DNAH8: variants seen among roughly 807,000 people sequenced by gnomAD.
DNAH8 encodes axonemal beta dynein heavy chain 8.
A neutral mutation model predicts 562.1 loss-of-function variants in DNAH8; 382 were observed. That is an observed-to-expected ratio of 0.68 (90% confidence interval 0.63 to 0.74). The LOEUF is 0.74. Ranked by LOEUF, DNAH8 falls within the 30% of genes least tolerant of loss-of-function variation. DNAH8 has a pLI of 0.00. For synonymous variants in DNAH8, 1,881 were observed against 1,919.4 expected, an observed-to-expected ratio of 0.98 and a Z score of 0.52; for missense variants, 5,203 against 5,620.4, an observed-to-expected ratio of 0.93 and a Z score of 2.37.
In DNAH8 at chr6:38,875,684, A is replaced by T. The variant is rs151051760; in HGVS notation, c.7714A>T (p.Met2572Leu). The T allele has an allele frequency of 6.2e-7, 1 of 1,613,858 alleles. No individual in the cohort carries two copies. ...HLHKLFVFGL[M>L]WSLGALLELE... ...TCATAAATTATTTGTGTTTGGCCTA[A>T]TGTGGAGTTTAGGAGCCCTTCTGGA... is the stretch of plus-strand genomic sequence containing the variant. The change falls in exon 53 of 93, where the codon ATG becomes TTG. Residue 2572 changes from methionine (M) to leucine (L), a missense_variant. Coordinates refer to ENST00000327475, the MANE Select transcript of DNAH8 (RefSeq NM_001206927.2).
chr6:38,753,112 C>T (rs977600781), intron 9 of DNAH8, among the ~76,000 whole-genome samples: 2 of 152,080 alleles, frequency 1.3e-5, no homozygotes, highest in Non-Finnish European at 2.9e-5. Flanking sequence ...TTATGACTTT[C>T]TTAAACTTCA....
chr6:38,815,776 T>G, intron 26 of DNAH8, 119 bp downstream of exon 26: 1 of 997,398 alleles, frequency 1.0e-6, no homozygotes, highest in Non-Finnish European at 1.4e-6. Flanking sequence ...GTATGTTTCA[T>G]CTTAAACATA....
At chr6:38,748,108 T>C (rs1420277182) in intron 8 of DNAH8, among the ~76,000 whole-genome samples, 2 of 152,210 alleles carry the variant, frequency 1.3e-5, no homozygotes, top group African/African-American at 4.8e-5. Flanking sequence ...TTCTTATTCA[T>C]GTCTCCTGGT....
intron 91 of DNAH8, among the ~76,000 whole-genome samples, chr6:39,020,131 C>T (rs1283060154): frequency 6.6e-6 from 1 of 152,116 alleles, no homozygotes; most frequent in East Asian, 1.9e-4. Flanking sequence ...TTTAGCTGAT[C>T]CCAGCCTTGC....
intron 26 of DNAH8, among the ~76,000 whole-genome samples, 196 bp downstream of exon 26, chr6:38,815,853 A>C (rs1366683119): frequency 1.3e-5 from 2 of 152,150 alleles, no homozygotes; most frequent in African/African-American, 4.8e-5. Flanking sequence ...CTTTTCTACT[A>C]TGATGATCTT....
At chr6:38,840,933 C>T (rs1004706255) in intron 33 of DNAH8, among the ~76,000 whole-genome samples, 5 of 151,886 alleles carry the variant, frequency 3.3e-5, no homozygotes, top group African/African-American at 9.7e-5. Flanking sequence ...TTGCATTACC[C>T]TTTAGGCAAT....
At chr6:38,771,594 T>G (rs1416863815) in intron 12 of DNAH8, among the ~76,000 whole-genome samples, 2 of 152,196 alleles carry the variant, frequency 1.3e-5, no homozygotes, top group Non-Finnish European at 2.9e-5. Flanking sequence ...CTACTTTCTG[T>G]CTCTATAGAT....
chr6:38,882,969 C>A lies in DNAH8; in HGVS notation c.7918C>A (p.Pro2640Thr), dbSNP rs575069902. ...QPYYYPTDSI[P>T]EYSSILVPNV... Reference sequence around the variant, plus strand: ...TTATTATTATCCAACTGACAGTATTCCGGAATATTCATCAATTTTGGTTCC... The same window carrying A: ...TTATTATTATCCAACTGACAGTATTACGGAATATTCATCAATTTTGGTTCC... The change falls in exon 54 of 93, where the codon CCG becomes ACG. Residue 2640 changes from proline to threonine, a missense_variant. By Grantham distance (38) the Pro-to-Thr change is conservative. Transcript: ENST00000327475. The A allele has an allele frequency of 1.7e-5, 27 of 1,604,904 alleles. No individual in the cohort carries two copies. The highest frequency in any genetic ancestry group is 1.4e-4 in the East Asian group (6 of 44,414).
At chr6:38,715,930 AT>A (rs1562520288) in intron 1 of DNAH8, among the ~76,000 whole-genome samples, 21 of 24,906 alleles carry the variant, frequency 8.4e-4, no homozygotes, top group South Asian at 2.9e-3. Context: ...AAATAAATAT[AT>A]ATATATATAT....
chr6:38,840,229 G>C (rs531782592), intron 33 of DNAH8, among the ~76,000 whole-genome samples: 32 of 152,282 alleles, frequency 2.1e-4, no homozygotes, highest in African/African-American at 7.7e-4. Context: ...ACTCAAAGCT[G>C]TTGAAAACTC....
intron 26 of DNAH8, among the ~76,000 whole-genome samples, chr6:38,816,240 C>G (rs1323730948): frequency 6.6e-6 from 1 of 152,140 alleles, no homozygotes; most frequent in Non-Finnish European, 1.5e-5. Flanking sequence ...CCTTCACCCC[C>G]ATCCCCCACC....
chr6:38,766,061 C>T (rs1766952614), intron 11 of DNAH8, among the ~76,000 whole-genome samples: 1 of 151,842 alleles, frequency 6.6e-6, no homozygotes, highest in South Asian at 2.1e-4. Flanking sequence ...GTGGAAACAA[C>T]CTAAGTGCCT....
At chr6:38,865,232 T>C (rs1776947176) in intron 45 of DNAH8, among the ~76,000 whole-genome samples, 1 of 152,210 alleles carries the variant, frequency 6.6e-6, no homozygotes, top group South Asian at 2.1e-4. Context: ...TGATAAATTA[T>C]AGGAAGCAAA....
rs551455560 is a variant in DNAH8, at chr6:38,812,045, C to T, written c.3258-2009C>T. Among the ~76,000 whole-genome samples, 8 of 152,140 alleles carry T rather than the reference C, an allele frequency of 5.3e-5. No individual in the cohort carries two copies. The South Asian group carries it at 1.2e-3, about 24-fold the overall frequency. On this transcript the variant is annotated intron_variant, in intron 24 of 92. Coordinates refer to ENST00000327475, the MANE Select transcript of DNAH8 (RefSeq NM_001206927.2). ...GCCATAGCTGCAGGAAGTAAGTTGA[C>T]GCATTTTGTCTTGCAGCATCATCTG...
chr6:38,883,868 C>T lies in DNAH8; in HGVS notation c.8137-8C>T. 6.5e-7 allele frequency: 1 copy of T among 1,543,210 alleles called. No homozygotes were observed. Among genetic ancestry groups the T allele is most frequent in the South Asian group, 1.3e-5 (1 of 76,516 alleles). On this transcript the variant is annotated splice_polypyrimidine_tract_variant and splice_region_variant and intron_variant, in intron 55 of 92. Transcript: ENST00000327475. ...AATGCATAAGACAAAACGTTTCCTT[C>T]TCTCTAGAGAACAATTGAAAGCTAC...
chr6:38,816,410 A>G (rs1435313872), intron 26 of DNAH8, among the ~76,000 whole-genome samples: 1 of 152,232 alleles, frequency 6.6e-6, no homozygotes, highest in Admixed American at 6.5e-5. Flanking sequence ...TGCAAAGGAC[A>G]TGAACTCATT....
chr6:38,738,744 C>T (rs1764303526), intron 7 of DNAH8, among the ~76,000 whole-genome samples: 1 of 152,046 alleles, frequency 6.6e-6, no homozygotes. Context: ...GAGGGCTGTG[C>T]AGTTAGAGTG....
chr6:38,874,288 C>A (rs1449393809), intron 52 of DNAH8, among the ~76,000 whole-genome samples: 1 of 45,302 alleles, frequency 2.2e-5, no homozygotes, highest in African/African-American at 7.1e-5. Flanking sequence ...CCCCTCCCCT[C>A]CCCTCCCCTC....
At chr6:38,944,321 C>G (rs184935086) in intron 79 of DNAH8, among the ~76,000 whole-genome samples, 39 of 152,274 alleles carry the variant, frequency 2.6e-4, no homozygotes, top group Non-Finnish European at 5.0e-4. Flanking sequence ...TCCCAAGTCC[C>G]CTGTGGTGAA....
Sources: allele counts gnomAD v4.1 joint callset (sites outside exome capture counted in the v4.1 genomes callset), GRCh38; gene constraint gnomAD v4.1.1; transcripts MANE v1.5; gene names NCBI Gene and HGNC (gene_info 2026-07-23, HGNC 2026-07-21).